Variants in INTS8 observed in about 807,000 individuals in gnomAD.
INTS8 encodes the protein protein kaonashi-1.
A neutral mutation model predicts 138.9 loss-of-function variants in INTS8; 47 were observed. The ratio of observed to expected loss-of-function variants is 0.34; its 90% CI spans 0.27 to 0.43. INTS8 has a LOEUF of 0.43. Ranked by LOEUF, INTS8 falls within the 20% of genes least tolerant of loss-of-function variation. The probability of loss-of-function intolerance (pLI) is 1.00; values close to 1 mark genes in which losing one functional copy is unlikely to be tolerated. For synonymous variants in INTS8, 392 were observed against 400.9 expected (o/e 0.98, Z 0.27); for missense variants, 996 against 1,173.0 (o/e 0.85, Z 2.20).
At chr8:94,867,411 C>T in intron 20 of INTS8, 74 bp downstream of exon 20, 2 of 1,079,258 alleles carry the variant, frequency 1.9e-6, no homozygotes, top group East Asian at 2.4e-5. Flanking sequence ...GTATAGATAC[C>T]CTTAGATAAT....
chr8:94,823,598 GCC>G, intron 1 of INTS8, 37 bp downstream of exon 1: 1 of 1,470,078 alleles, frequency 6.8e-7, no homozygotes, highest in Non-Finnish European at 9.2e-7. Flanking sequence ...GCGGGACCCG[GCC>G]ACCGGCGCTG....
chr8:94,862,812 T>C (rs1227105235), intron 16 of INTS8, among the ~76,000 whole-genome samples: 1 of 151,984 alleles, frequency 6.6e-6, no homozygotes, highest in Non-Finnish European at 1.5e-5. Context: ...AAAAATACAA[T>C]CTGAATCAGT....
In INTS8 at chr8:94,842,467, G is replaced by A. The variant is rs780458450; in HGVS notation, c.1239G>A (p.Glu413=). The A allele has an allele frequency of 1.2e-5, 20 of 1,601,456 alleles. No homozygotes were observed. The East Asian group carries it at 2.5e-4, about 20-fold the overall frequency. The part of the protein sequence containing the change: ...FNQLFLRPNK[E]KIDFLLEVCS... ...AGCTATTTCTTAGACCAAATAAAGA[G>A]AAAATAGACTTTCTTCTTGAGGTAT... is the stretch of plus-strand genomic sequence containing the variant. Residue 413 remains glutamate, a synonymous_variant, in exon 10 of 27, where the codon GAG becomes GAA. Transcript: ENST00000523731.
chr8:94,823,592 G>T, intron 1 of INTS8, 31 bp downstream of exon 1: 1 of 1,496,306 alleles, frequency 6.7e-7, no homozygotes, highest in African/African-American at 1.4e-5. Context: ...TGGGGAGCGG[G>T]ACCCGGCCAC....
chr8:94,830,670 G>A (rs1406274398), intron 5 of INTS8, among the ~76,000 whole-genome samples: 2 of 152,046 alleles, frequency 1.3e-5, no homozygotes, highest in Non-Finnish European at 2.9e-5. Flanking sequence ...ACTAATTTTT[G>A]TATTTTTTGT....
At position 94,823,480 on chromosome 8, in the gene INTS8, TGCACCCC is replaced by T; in HGVS notation, c.52_58del (p.Thr18ArgfsTer32). ...GGAGGCGGCCACCTCCAGCCGGCCC[TGCACCCC>T]GCCGCAGACCTGCTGGTTTGAGTTT... On this transcript the variant is annotated frameshift_variant, in exon 1 of 27. Coordinates refer to ENST00000523731, the MANE Select transcript of INTS8 (RefSeq NM_017864.4). LOFTEE classifies it high-confidence loss of function. 1 of 1,551,468 alleles carries T rather than the reference TGCACCCC, an allele frequency of 6.4e-7. No homozygotes were observed. The highest frequency in any genetic ancestry group is 8.7e-7 in the Non-Finnish European group (1 of 1,148,004).
intron 11 of INTS8, 142 bp downstream of exon 11, chr8:94,849,674 C>G (rs888129064): frequency 2.3e-5 from 14 of 620,350 alleles, no homozygotes; most frequent in Non-Finnish European, 3.9e-5. Context: ...CCATTAAGTT[C>G]AAATTTGTAT....
At chr8:94,879,349 C>G (rs1264524431) in intron 26 of INTS8, among the ~76,000 whole-genome samples, 1 of 152,120 alleles carries the variant, frequency 6.6e-6, no homozygotes, top group Non-Finnish European at 1.5e-5. Context: ...AATCCCACCA[C>G]TTTGGGAGGC....
At chr8:94,848,013 C>CCTTTTTTTTTTTTTTTTT (rs1815393628) in intron 10 of INTS8, among the ~76,000 whole-genome samples, 1 of 129,998 alleles carries the variant, frequency 7.7e-6, no homozygotes, top group South Asian at 2.4e-4. Context: ...TAAAACACTG[C>CCTTTTTTTTTTTTTTTTT]TTTTTTTTTT....
In INTS8 at chr8:94,827,728, T is replaced by C; in HGVS notation, c.453T>C (p.Ile151=). The change falls in exon 4 of 27, where the codon ATT becomes ATC. Residue 151 remains isoleucine, a synonymous_variant. Transcript: ENST00000523731. ...MAVLLYNRWA[I]RTIVQSSFPV... ...TTTCCTGTCTTTTCTTCAGGGCAAT[T>C]AGGACAATTGTTCAAAGTAGTTTTC... The C allele has an allele frequency of 6.2e-7, 1 of 1,613,880 alleles. No homozygotes were observed. The highest frequency in any genetic ancestry group is 8.5e-7 in the Non-Finnish European group (1 of 1,179,738).
intron 26 of INTS8, chr8:94,879,627 T>G (rs200028036): frequency 1.9e-4 from 2 of 10,394 alleles, no homozygotes; most frequent in African/African-American, 2.9e-4. Context: ...AAAAAAAACC[T>G]TTTTTTTTTT....
Position 94,849,911 on chromosome 8 carries a change from T to A in INTS8, c.1332-5T>A. On this transcript the variant is annotated splice_polypyrimidine_tract_variant and splice_region_variant and intron_variant, in intron 11 of 26. Coordinates refer to ENST00000523731, the MANE Select transcript of INTS8 (RefSeq NM_017864.4). Reference sequence around the variant, plus strand: ...TTTGTTTTACAATATTTCTTACTGATCTAGGAATGTGTGTCTGGGGTTGGA... The same window carrying A: ...TTTGTTTTACAATATTTCTTACTGAACTAGGAATGTGTGTCTGGGGTTGGA... The A allele has an allele frequency of 3.7e-6, 6 of 1,601,156 alleles. No homozygotes were observed. The highest frequency in any genetic ancestry group is 5.1e-6 in the Non-Finnish European group (6 of 1,173,218).
intron 26 of INTS8, among the ~76,000 whole-genome samples, chr8:94,877,238 T>G (rs1047665583): frequency 1.3e-5 from 2 of 152,206 alleles, no homozygotes; most frequent in African/African-American, 4.8e-5. Flanking sequence ...TTTACTTGTC[T>G]AACATTTACT....
rs1563635499 is a variant in INTS8, at chr8:94,823,335, C to G, written c.-97C>G. 8 of 1,511,608 alleles carry G rather than the reference C, an allele frequency of 5.3e-6. No individual in the cohort carries two copies. The South Asian group carries it at 1.0e-4, about 19-fold the overall frequency. 93.6% of individuals were successfully genotyped at this position (1,511,608 alleles called of 1,614,324 possible). A position where few individuals can be genotyped will look rare whatever the true frequency, so the allele number is the denominator to read the frequency against. On this transcript the variant is annotated 5_prime_UTR_variant, in exon 1 of 27. Transcript: ENST00000523731. ...CCGGGACGTTCGGAGGGTGGCCTCT[C>G]TCCCACCGGGTTCCGCATACCCCAG...
chr8:94,864,984 A>T (rs191684278), intron 16 of INTS8, among the ~76,000 whole-genome samples: 8 of 151,542 alleles, frequency 5.3e-5, no homozygotes, highest in African/African-American at 1.9e-4. Context: ...CAGTTTCCTT[A>T]TTCCTTTCCT....
At chr8:94,833,794 G>A (rs1272514830) in intron 6 of INTS8, among the ~76,000 whole-genome samples, 1 of 152,016 alleles carries the variant, frequency 6.6e-6, no homozygotes, top group Non-Finnish European at 1.5e-5. Context: ...TTTTTGAGAC[G>A]GAGTTTCACT....
rs751063943 is a variant in INTS8, at chr8:94,873,359, G to C, written c.2534-15G>C. On this transcript the variant is annotated splice_polypyrimidine_tract_variant and intron_variant, in intron 21 of 26. Transcript: ENST00000523731. ...CTGTTACCTCTAATGCTTTATGTCT[G>C]TTTTTCTGTTTCAGCAACGAATCAG... 5.1e-6 allele frequency: 8 copies of C among 1,580,010 alleles called. No individual in the cohort carries two copies. Among genetic ancestry groups the C allele is most frequent in the Non-Finnish European group, 7.0e-6 (8 of 1,149,020 alleles).
intron 14 of INTS8, among the ~76,000 whole-genome samples, chr8:94,855,645 A>G (rs1332421225): frequency 6.6e-6 from 1 of 152,212 alleles, no homozygotes; most frequent in East Asian, 1.9e-4. Flanking sequence ...TCTCAGTTTT[A>G]AAGGTGTTAA....
chr8:94,847,603 C>G (rs1311551488), intron 10 of INTS8, among the ~76,000 whole-genome samples: 1 of 152,056 alleles, frequency 6.6e-6, no homozygotes, highest in Non-Finnish European at 1.5e-5. Flanking sequence ...AAGTTATTTT[C>G]TAAGGATTTG....
Sources: allele counts gnomAD v4.1 joint callset (sites outside exome capture counted in the v4.1 genomes callset), GRCh38; gene constraint gnomAD v4.1.1; transcripts MANE v1.5; gene names NCBI Gene and HGNC (gene_info 2026-07-23, HGNC 2026-07-21).